Variants in ARFIP1 observed in about 807,000 individuals in gnomAD.
ARFIP1 encodes arfaptin-1.
In ARFIP1, 24 loss-of-function variants were observed where a neutral mutation model predicts 42.5. That is an observed-to-expected ratio of 0.57 (90% CI 0.41 to 0.80). The LOEUF (loss-of-function observed/expected upper bound fraction) is 0.80. ARFIP1 is among the 30% of genes least tolerant of loss of function. The probability of loss-of-function intolerance (pLI) is 0.00; values close to 1 mark genes in which losing one functional copy is unlikely to be tolerated. For synonymous variants in ARFIP1, 141 were observed against 153.7 expected (o/e 0.92, Z 0.61); for missense variants, 354 against 434.0 (o/e 0.82, Z 1.64).
intron 2 of ARFIP1, among the ~76,000 whole-genome samples, chr4:152,841,161 G>A (rs758750545): frequency 2.0e-5 from 3 of 151,594 alleles, no homozygotes; most frequent in Admixed American, 6.6e-5. Flanking sequence ...TCAGCCTCCC[G>A]AGTAGCTGGG....
At chr4:152,833,443 A>G (rs1469392800) in intron 2 of ARFIP1, among the ~76,000 whole-genome samples, 4 of 152,212 alleles carry the variant, frequency 2.6e-5, no homozygotes, top group Admixed American at 2.6e-4. Context: ...TCTGTTGTGG[A>G]AAACAGTATG....
rs761197917 is a variant in ARFIP1 at position 152,888,198 on chromosome 4, C to G, written c.857C>G (p.Thr286Ser). Reference protein sequence around the residue: ...ELNLGPRDANTLPKIEQSQHL... With the variant: ...ELNLGPRDANSLPKIEQSQHL... Reference sequence around the variant, plus strand: ...AATCTTGGACCACGTGACGCAAACACTCTGCCAAAGATTGAGCAGTCACAG... The same window carrying G: ...AATCTTGGACCACGTGACGCAAACAGTCTGCCAAAGATTGAGCAGTCACAG... The change falls in exon 8 of 9, where the codon ACT becomes AGT. Residue 286 changes from threonine (T) to serine (S), a missense_variant. Coordinates refer to ENST00000353617, the MANE Select transcript of ARFIP1 (RefSeq NM_001025595.3). 24 of 1,611,946 alleles carry G rather than the reference C, an allele frequency of 1.5e-5. No homozygotes were observed. The highest frequency in any genetic ancestry group is 1.9e-5 in the Non-Finnish European group (22 of 1,179,058).
At chr4:152,819,468 G>C (rs1226160559) in intron 1 of ARFIP1, among the ~76,000 whole-genome samples, 1 of 152,136 alleles carries the variant, frequency 6.6e-6, no homozygotes, top group South Asian at 2.1e-4. Flanking sequence ...GCTGCTGGGA[G>C]ACTAGAGGAC....
At chr4:152,784,934 T>C (rs1730711661) in intron 1 of ARFIP1, among the ~76,000 whole-genome samples, 1 of 152,234 alleles carries the variant, frequency 6.6e-6, no homozygotes, top group African/African-American at 2.4e-5. Flanking sequence ...AGTGACATAC[T>C]GCCTTTGGAA....
intron 2 of ARFIP1, among the ~76,000 whole-genome samples, chr4:152,836,067 T>C (rs187634832): frequency 2.0e-5 from 3 of 152,190 alleles, no homozygotes; most frequent in Non-Finnish European, 2.9e-5. Flanking sequence ...ATCTCCAACA[T>C]TGAGAATCAC....
At chr4:152,856,771 C>T (rs950881270) in intron 2 of ARFIP1, among the ~76,000 whole-genome samples, 11 of 152,082 alleles carry the variant, frequency 7.2e-5, no homozygotes, top group Non-Finnish European at 1.3e-4. Context: ...AGCTGTTATA[C>T]TCACTAAAAC....
chr4:152,868,183 T>A (rs2149880815), intron 3 of ARFIP1, among the ~76,000 whole-genome samples: 1 of 152,280 alleles, frequency 6.6e-6, no homozygotes, highest in African/African-American at 2.4e-5. Flanking sequence ...AATATTGAAA[T>A]CGGCCTAGCA....
chr4:152,891,592 C>T (rs571636611), intron 8 of ARFIP1, among the ~76,000 whole-genome samples: 2 of 152,200 alleles, frequency 1.3e-5, no homozygotes, highest in Admixed American at 1.3e-4. Flanking sequence ...TTTGAAATGC[C>T]TCAAGTCTAG....
intron 8 of ARFIP1, 21 bp from the exon 9 acceptor site, chr4:152,910,043 G>A (rs1055769162): frequency 1.9e-6 from 3 of 1,610,524 alleles, no homozygotes; most frequent in Non-Finnish European, 2.5e-6. Context: ...GCTTGGTCTT[G>A]TAACTCTGCC....
chr4:152,810,852 A>G (rs1290830289), intron 1 of ARFIP1, among the ~76,000 whole-genome samples: 1 of 151,784 alleles, frequency 6.6e-6, no homozygotes, highest in Non-Finnish European at 1.5e-5. Context: ...ATCTCTTCCT[A>G]CTATATGATA....
chr4:152,897,481 AC>A (rs1737438663), intron 8 of ARFIP1, among the ~76,000 whole-genome samples: 1 of 152,218 alleles, frequency 6.6e-6, no homozygotes, highest in Non-Finnish European at 1.5e-5. Context: ...TAAGGTACTT[AC>A]ATATTTTCTA....
intron 7 of ARFIP1, among the ~76,000 whole-genome samples, chr4:152,884,910 A>G (rs940655358): frequency 6.6e-6 from 1 of 152,068 alleles, no homozygotes; most frequent in Non-Finnish European, 1.5e-5. Context: ...ATCAAGTTAC[A>G]TGTACTTGGT....
intron 2 of ARFIP1, among the ~76,000 whole-genome samples, chr4:152,845,357 T>C (rs1732450358): frequency 6.6e-6 from 1 of 152,080 alleles, no homozygotes; most frequent in Non-Finnish European, 1.5e-5. Flanking sequence ...AATTGACAAG[T>C]AGGACCTAAT....
At chr4:152,805,990 G>A (rs1347516651) in intron 1 of ARFIP1, among the ~76,000 whole-genome samples, 1 of 152,202 alleles carries the variant, frequency 6.6e-6, no homozygotes, top group Non-Finnish European at 1.5e-5. Flanking sequence ...CTGGGGCTGG[G>A]CAGCCAAAAA....
chr4:152,824,679 T>C (rs1332398177), intron 1 of ARFIP1, among the ~76,000 whole-genome samples: 3 of 152,110 alleles, frequency 2.0e-5, no homozygotes, highest in Non-Finnish European at 4.4e-5. Context: ...ATTATAGTAC[T>C]AGAAGTCCTA....
At chr4:152,805,122 A>G (rs1166179270) in intron 1 of ARFIP1, among the ~76,000 whole-genome samples, 1 of 152,210 alleles carries the variant, frequency 6.6e-6, no homozygotes, top group Non-Finnish European at 1.5e-5. Flanking sequence ...AACAAATTTT[A>G]TAGCATTCTG....
chr4:152,826,169 A>G (rs1348494770), intron 1 of ARFIP1, among the ~76,000 whole-genome samples: 3 of 152,248 alleles, frequency 2.0e-5, no homozygotes, highest in Non-Finnish European at 2.9e-5. Context: ...AAAACTGCAC[A>G]TAGGTGTATT....
At chr4:152,871,491 G>C (rs966921650) in intron 4 of ARFIP1, among the ~76,000 whole-genome samples, 3 of 151,954 alleles carry the variant, frequency 2.0e-5, no homozygotes, top group Non-Finnish European at 4.4e-5. Flanking sequence ...TGAGAATTTT[G>C]TAAATTCTTA....
intron 2 of ARFIP1, among the ~76,000 whole-genome samples, chr4:152,842,762 A>AT (rs1168100719): frequency 1.3e-5 from 2 of 151,796 alleles, no homozygotes; most frequent in Non-Finnish European, 2.9e-5. Flanking sequence ...AGTTTCCTGA[A>AT]TTTTTTATTG....
Sources: allele counts gnomAD v4.1 joint callset (sites outside exome capture counted in the v4.1 genomes callset), GRCh38; gene constraint gnomAD v4.1.1; transcripts MANE v1.5; gene names NCBI Gene and HGNC (gene_info 2026-07-23, HGNC 2026-07-21).